The following GARNL3 variants were observed in gnomAD, a reference collection of about 807,000 sequenced individuals.
GARNL3 encodes the protein GTPase-activating Rap/Ran-GAP domain-like protein 3.
A neutral mutation model predicts 125.0 loss-of-function variants in GARNL3; 63 were observed. The ratio of observed to expected loss-of-function variants is 0.50; its 90% CI spans 0.41 to 0.62. The LOEUF (loss-of-function observed/expected upper bound fraction) is 0.62. Ranked by LOEUF, GARNL3 falls within the 20% of genes least tolerant of loss-of-function variation. The probability of loss-of-function intolerance (pLI) is 0.00; values close to 1 mark genes in which losing one functional copy is unlikely to be tolerated. For missense variants in GARNL3, 994 were observed against 1,244.0 expected (o/e 0.80, Z 3.02); for synonymous variants, 439 against 457.5 (o/e 0.96, Z 0.52).
At chr9:127,389,416 T>C (rs1221639900) in intron 26 of GARNL3, among the ~76,000 whole-genome samples, 1 of 152,196 alleles carries the variant, frequency 6.6e-6, no homozygotes, top group Non-Finnish European at 1.5e-5. Flanking sequence ...AAAATAAAAG[T>C]ACCAATCTAT....
exon 2 of GARNL3, chr9:127,243,172 G>T: frequency 7.3e-7 from 1 of 1,366,448 alleles, no homozygotes; most frequent in Non-Finnish European, 9.8e-7. Flanking sequence ...GGAAAGCAAA[G>T]TCGTCTCTCT....
chr9:127,331,521 AC>A (rs1380494363), intron 7 of GARNL3, among the ~76,000 whole-genome samples: 1 of 151,076 alleles, frequency 6.6e-6, no homozygotes, highest in Non-Finnish European at 1.5e-5. Flanking sequence ...AAAAACCACT[AC>A]CCAATTTAAG....
At chr9:127,295,992 A>G (rs1588783720) in intron 2 of GARNL3, among the ~76,000 whole-genome samples, 1 of 152,190 alleles carries the variant, frequency 6.6e-6, no homozygotes, top group Non-Finnish European at 1.5e-5. Context: ...AGACGGTTCC[A>G]TCTGGGAGTT....
At chr9:127,272,284 T>C (rs2063841466) in intron 1 of GARNL3, among the ~76,000 whole-genome samples, 1 of 149,426 alleles carries the variant, frequency 6.7e-6, no homozygotes, top group Admixed American at 6.6e-5. Flanking sequence ...TTAAGTAGGG[T>C]TTTTACTTTC....
At chr9:127,386,511 G>A (rs1158503590) in intron 24 of GARNL3, among the ~76,000 whole-genome samples, 1 of 152,182 alleles carries the variant, frequency 6.6e-6, no homozygotes, top group Non-Finnish European at 1.5e-5. Context: ...CCCCCATGGT[G>A]CAGTATCTCT....
intron 21 of GARNL3, among the ~76,000 whole-genome samples, chr9:127,361,294 A>C (rs1830985997): frequency 6.6e-6 from 1 of 151,900 alleles, no homozygotes; most frequent in Admixed American, 6.6e-5. Context: ...AGAGAGAGAG[A>C]CAGGGTCTAG....
At chr9:127,344,993 G>A (rs1446784979) in intron 15 of GARNL3, among the ~76,000 whole-genome samples, 1 of 152,198 alleles carries the variant, frequency 6.6e-6, no homozygotes, top group African/African-American at 2.4e-5. Flanking sequence ...GACAAGGCAG[G>A]TGGAGAGAGG....
chr9:127,393,207 T>G lies in GARNL3; in HGVS notation c.2995T>G (p.Phe999Val). 1 of 1,613,658 alleles carries G rather than the reference T, an allele frequency of 6.2e-7. No individual in the cohort carries two copies. Among genetic ancestry groups the G allele is most frequent in the Non-Finnish European group, 8.5e-7 (1 of 1,179,538 alleles). ...EGSPVSGSSPFQLTAFSDEDI... is the reference protein window; with the variant it reads ...EGSPVSGSSPVQLTAFSDEDI... ...CAGCCCGGTCTCCGGCAGCAGCCCCTTCCAGCTCACGGCTTTCTCCGATGA... is the reference window on the plus strand; with the variant it reads ...CAGCCCGGTCTCCGGCAGCAGCCCCGTCCAGCTCACGGCTTTCTCCGATGA... Residue 999 changes from phenylalanine (F) to valine (V), a missense_variant, in exon 28 of 28, where the codon TTC becomes GTC. Physicochemically the swap from Phe to Val is conservative, Grantham distance 50. Transcript: ENST00000373387.
At position 127,243,352 on chromosome 9, in the gene GARNL3, T is replaced by C. The variant is rs375149469; in HGVS notation, c.143+103T>C. 13 of 940,844 alleles carry C rather than the reference T, an allele frequency of 1.4e-5. No individual in the cohort carries two copies. In the East Asian group the frequency reaches 1.7e-4, roughly 12 times the overall value. 58.3% of individuals were successfully genotyped at this position (940,844 alleles called of 1,614,324 possible). Reference sequence around the variant, plus strand: ...AATATACTTTTTACTTCTGGGGGGATAGTGGGGAGGGAGAGAGGAGTGGAT... The same window carrying C: ...AATATACTTTTTACTTCTGGGGGGACAGTGGGGAGGGAGAGAGGAGTGGAT... On this transcript the variant is annotated intron_variant, in intron 2 of 10. Coordinates refer to the GARNL3 transcript ENST00000439286.
intron 2 of GARNL3, among the ~76,000 whole-genome samples, chr9:127,251,755 C>T (rs2063408484): frequency 6.6e-6 from 1 of 152,180 alleles, no homozygotes; most frequent in African/African-American, 2.4e-5. Flanking sequence ...GAATATGCCA[C>T]CCCAAGATAC....
At chr9:127,302,910 G>A (rs1004462560) in intron 2 of GARNL3, among the ~76,000 whole-genome samples, 14 of 152,208 alleles carry the variant, frequency 9.2e-5, no homozygotes, top group African/African-American at 3.4e-4. Context: ...CCAGCACTTT[G>A]GGAGGCCGAG....
At chr9:127,326,830 T>A (rs567923499) in intron 7 of GARNL3, among the ~76,000 whole-genome samples, 1 of 152,260 alleles carries the variant, frequency 6.6e-6, no homozygotes, top group East Asian at 1.9e-4. Context: ...TTTCACCACA[T>A]GGGCATGTAG....
chr9:127,229,293 A>G lies in GARNL3; in HGVS notation c.-29+4955A>G, dbSNP rs1382814285. ...GAATCACCTGTGGACCGTCTTAGCC[A>G]TACAGGTGCATATGGGTGCCCCTGC... is the stretch of plus-strand genomic sequence containing the variant. On this transcript the variant is annotated intron_variant, in intron 1 of 10. Transcript: ENST00000439286. Among the ~76,000 whole-genome samples, 3 of 152,194 alleles carry G rather than the reference A, an allele frequency of 2.0e-5. No individual in the cohort carries two copies. In the South Asian group the frequency reaches 6.2e-4, roughly 32 times the overall value.
chr9:127,353,491 T>C (rs1252363103), intron 17 of GARNL3: 1 of 172,610 alleles, frequency 5.8e-6, no homozygotes, highest in Middle Eastern at 2.5e-3. Flanking sequence ...CTTTTTTTTT[T>C]TTTTTTAACT....
At chr9:127,251,485 G>A (rs1433748536) in intron 2 of GARNL3, among the ~76,000 whole-genome samples, 1 of 152,066 alleles carries the variant, frequency 6.6e-6, no homozygotes, top group African/African-American at 2.4e-5. Flanking sequence ...CAAAAATATA[G>A]TTTGACCTTA....
At chr9:127,224,915 C>A (rs1341958781) in intron 1 of GARNL3, among the ~76,000 whole-genome samples, 1 of 9,528 alleles carries the variant, frequency 1.0e-4, no homozygotes, top group African/African-American at 3.7e-4. Context: ...CGGGGCGGGG[C>A]GTGGGCGGGG....
At position 127,376,332 on chromosome 9, in the gene GARNL3, C is replaced by A. The variant is rs370624280; in HGVS notation, c.2162-7106C>A. On this transcript the variant is annotated intron_variant, in intron 22 of 27. Coordinates refer to ENST00000373387, the MANE Select transcript of GARNL3 (RefSeq NM_032293.5). ...ACCCCGAGTTCACGCCATTCTCCTG[C>A]CTCAGCTTCCCGAGTAGCTGGGACT... Among the ~76,000 whole-genome samples, 8 of 152,192 alleles carry A rather than the reference C, an allele frequency of 5.3e-5. No individual in the cohort carries two copies. In the East Asian group the frequency reaches 1.5e-3, roughly 29 times the overall value.
In GARNL3 at chr9:127,291,028, T is replaced by G; in HGVS notation, c.145-140T>G. 3.9e-6 allele frequency: 3 copies of G among 765,832 alleles called. No homozygotes were observed. In the East Asian group the frequency reaches 8.0e-5, roughly 20 times the overall value. 47.4% of individuals were successfully genotyped at this position (765,832 alleles called of 1,614,324 possible). On this transcript the variant is annotated intron_variant, in intron 1 of 27. Transcript: ENST00000373387. ...GCCAACTGTATGAGTACCTGCCTGA[T>G]AGAGCTTTAAAAAAACTGTTAGCTT...
intron 2 of GARNL3, among the ~76,000 whole-genome samples, chr9:127,292,222 A>G (rs1036602844): frequency 6.6e-6 from 1 of 152,220 alleles, no homozygotes; most frequent in African/African-American, 2.4e-5. Context: ...CTTGCCATTG[A>G]CATGTTAGCC....
Sources: allele counts gnomAD v4.1 joint callset (sites outside exome capture counted in the v4.1 genomes callset), GRCh38; gene constraint gnomAD v4.1.1; transcripts MANE v1.5; gene names NCBI Gene and HGNC (gene_info 2026-07-23, HGNC 2026-07-21).